The following PKD1 variants were observed in gnomAD, a reference collection of about 807,000 sequenced individuals.
PKD1 encodes polycystin 1, transient receptor potential channel interacting.
PKD1 carries 81 observed loss-of-function variants against 361.7 expected under a neutral mutation model. The observed-to-expected ratio is 0.22, with a 90% confidence interval of 0.19 to 0.27. The LOEUF (loss-of-function observed/expected upper bound fraction) is 0.27. Among genes scored for constraint, PKD1 ranks in the 10% least tolerant of loss-of-function variants. The pLI, the probability that PKD1 is intolerant of heterozygous loss-of-function variation, is 1.00. For synonymous variants in PKD1, 3,615 were observed against 2,818.3 expected (o/e 1.28, Z -8.95); for missense variants, 6,399 against 6,118.3 (o/e 1.05, Z -1.53).
chr16:2,096,448 G>C (rs777317952), intron 34 of PKD1, among the ~76,000 whole-genome samples: 1 of 152,256 alleles, frequency 6.6e-6, no homozygotes. Context: ...GACTATGTGC[G>C]TGACTACATA....
chr16:2,122,758 G>A (rs543053766), intron 1 of PKD1, among the ~76,000 whole-genome samples: 9 of 152,324 alleles, frequency 5.9e-5, no homozygotes, highest in East Asian at 3.9e-4. Context: ...ATGAGGCACC[G>A]GGACCCGAGG....
chr16:2,111,960 G>A, intron 14 of PKD1, 89 bp from the exon 15 acceptor site: 8 of 1,395,398 alleles, frequency 5.7e-6, no homozygotes, highest in Non-Finnish European at 8.0e-6. Flanking sequence ...AGGAGCCCGG[G>A]GTGAACGGCT....
chr16:2,108,719 C>G lies in PKD1; in HGVS notation c.6448G>C (p.Glu2150Gln). 1 of 1,570,604 alleles carries G rather than the reference C, an allele frequency of 6.4e-7. No individual in the cohort carries two copies. The highest frequency in any genetic ancestry group is 2.4e-5 in the East Asian group (1 of 42,360). ...TGCAGGGGCAGGACCACGTCCACCT[C>G]CGGCTCCCGGCAGGCCAGCACCTGG... The part of the protein sequence containing the change: ...TVQVLACREP[E>Q]VDVVLPLQVL... Residue 2150 changes from glutamate to glutamine, a missense_variant, in exon 15 of 46, where the codon GAG (glutamate) becomes CAG (glutamine). Coordinates refer to ENST00000262304, the MANE Select transcript of PKD1 (RefSeq NM_001009944.3).
At chr16:2,121,658 C>T (rs1190502129) in intron 1 of PKD1, among the ~76,000 whole-genome samples, 2 of 152,120 alleles carry the variant, frequency 1.3e-5, no homozygotes, top group Non-Finnish European at 2.9e-5. Context: ...ACTCCACCTC[C>T]CCTCGGCCTC....
In PKD1 at chr16:2,089,052, G is replaced by A. The variant is rs2091300343; in HGVS notation, c.*675C>T. On this transcript the variant is annotated 3_prime_UTR_variant, in exon 46 of 46. Transcript: ENST00000262304. ...CTCTTGCTACCTGGCCTGGGGCAAG[G>A]GAGGATGACAAGGCCTCTGGGGTGA... The A allele has an allele frequency of 1.6e-5, 3 of 193,416 alleles. No individual in the cohort carries two copies. Among genetic ancestry groups the A allele is most frequent in the South Asian group, 2.1e-4 (2 of 9,684 alleles). 12.0% of individuals were successfully genotyped at this position (193,416 alleles called of 1,614,324 possible). A position where few individuals can be genotyped will look rare whatever the true frequency, so the allele number is the denominator to read the frequency against.
Position 2,104,596 on chromosome 16 carries a change from A to T in PKD1, c.8063T>A (p.Leu2688Gln), listed in dbSNP as rs1429820785. Residue 2688 changes from leucine (L) to glutamine (Q), a missense_variant, in exon 22 of 46, where the codon CTG becomes CAG. Leu to Gln is a moderately radical substitution (Grantham distance 113, BLOSUM62 -2). Transcript: ENST00000262304. ...LVCRSCLKQT[L>Q]HKLEAMMLIL... ...GAGCATCATGGCCTCCAGCTTGTGC[A>T]GCGTCTGCTTCAGGCACGAGCGGCA... The T allele has an allele frequency of 6.3e-7, 1 of 1,596,008 alleles. No individual in the cohort carries two copies. Among genetic ancestry groups the T allele is most frequent in the Admixed American group, 1.7e-5 (1 of 59,240 alleles).
At chr16:2,102,715 G>T (rs1596523161) in intron 24 of PKD1, 82 bp from the exon 25 acceptor site, 2 of 1,606,110 alleles carry the variant, frequency 1.2e-6, no homozygotes, top group Non-Finnish European at 8.5e-7. Flanking sequence ...ACCCGGTCCA[G>T]TCCCCTCGCT....
chr16:2,089,339 T>G lies in PKD1; in HGVS notation c.*388A>C. 1 of 319,134 alleles carries G rather than the reference T, an allele frequency of 3.1e-6. No individual in the cohort carries two copies. Among genetic ancestry groups the G allele is most frequent in the Non-Finnish European group, 5.9e-6 (1 of 170,106 alleles). The allele number at this position is 319,134 out of a possible 1,614,324, so 19.8% of individuals were successfully genotyped here. On this transcript the variant is annotated 3_prime_UTR_variant, in exon 46 of 46. Coordinates refer to ENST00000262304, the MANE Select transcript of PKD1 (RefSeq NM_001009944.3). ...AGTACGGTAGGAACTGGAGAGGTAA[T>G]AACTTAGGGGCAGGGTGGCGGCGGT...
At chr16:2,126,527 C>G (rs575254180) in intron 1 of PKD1, among the ~76,000 whole-genome samples, 2 of 152,268 alleles carry the variant, frequency 1.3e-5, no homozygotes, top group Non-Finnish European at 2.9e-5. Context: ...CCATGAAGAG[C>G]GAGGTGTTCT....
chr16:2,102,650 T>C lies in PKD1; in HGVS notation c.8949-17A>G, dbSNP rs9928278. On this transcript the variant is annotated splice_polypyrimidine_tract_variant and intron_variant, in intron 24 of 45. Coordinates refer to ENST00000262304, the MANE Select transcript of PKD1 (RefSeq NM_001009944.3). ...TCTCTGCTCCTGGGCAGGGAAGGGG[T>C]AGCGGACGTGAGCCCAGGCTCCGCC... is the stretch of plus-strand genomic sequence containing the variant. The C allele has an allele frequency of 0.17, 277,639 of 1,610,012 alleles. 29,785 individuals carry two copies. The highest frequency in any genetic ancestry group is 0.51 in the African/African-American group (37,834 of 74,852).
At position 2,110,928 on chromosome 16, in the gene PKD1, G is replaced by C. The variant is rs1434096183; in HGVS notation, c.4239C>G (p.Thr1413=). 1 of 1,611,184 alleles carries C rather than the reference G, an allele frequency of 6.2e-7. No individual in the cohort carries two copies. Among genetic ancestry groups the C allele is most frequent in the Non-Finnish European group, 8.5e-7 (1 of 1,179,830 alleles). ...CAWPPFPYRY[T]WDFGTEEAAP... ...CGGCTTCCTCGGTGCCAAAGTCCCA[G>C]GTGTAGCGGTAGGGGAACGGGGGCC... is the stretch of plus-strand genomic sequence containing the variant. The change falls in exon 15 of 46, where the codon ACC becomes ACG. Residue 1413 remains threonine (T), a synonymous_variant. Transcript: ENST00000262304.
chr16:2,133,805 AC>A lies in PKD1; in HGVS notation c.215+1669del, dbSNP rs202026172. Among the ~76,000 whole-genome samples, 769 of 151,724 alleles carry A rather than the reference AC, an allele frequency of 5.1e-3. 3 individuals are homozygous for A. The highest frequency in any genetic ancestry group is 8.9e-3 in the Non-Finnish European group (605 of 67,938). On this transcript the variant is annotated intron_variant, in intron 1 of 45. Coordinates refer to ENST00000262304, the MANE Select transcript of PKD1 (RefSeq NM_001009944.3). The stretch of plus-strand genomic sequence containing the variant: ...CGGAATCTTGCCAGCTCAGGCTGGG[AC>A]AGGCCACCAACTCCCAGGGTCCCCC...
intron 20 of PKD1, 82 bp downstream of exon 20, chr16:2,105,783 G>A (rs2092316655): frequency 1.4e-6 from 2 of 1,467,340 alleles, no homozygotes; most frequent in African/African-American, 1.4e-5. Context: ...TGAGCCCTCT[G>A]CAAAGCTCCA....
rs1265428416 is a variant in PKD1 at position 2,107,867 on chromosome 16, G to T, written c.7065+16C>A. On this transcript the variant is annotated intron_variant, in intron 16 of 45. Transcript: ENST00000262304. ...GGCTGTCCAAGGCAAGTGGCCGAGG[G>T]GCGGGCGGCACCCACCGTCTGGTTG... is the stretch of plus-strand genomic sequence containing the variant. The T allele has an allele frequency of 3.2e-6, 5 of 1,542,430 alleles. No individual in the cohort carries two copies. Among genetic ancestry groups the T allele is most frequent in the Non-Finnish European group, 4.4e-6 (5 of 1,145,842 alleles).
In PKD1 at chr16:2,089,659, A is replaced by T. The variant is rs538237594; in HGVS notation, c.*68T>A. 6.5e-7 allele frequency: 1 copy of T among 1,530,144 alleles called. No homozygotes were observed. Among genetic ancestry groups the T allele is most frequent in the Non-Finnish European group, 8.8e-7 (1 of 1,132,042 alleles). The allele number at this position is 1,530,144 out of a possible 1,614,324, so 94.8% of individuals were successfully genotyped here. On this transcript the variant is annotated 3_prime_UTR_variant, in exon 46 of 46. Transcript: ENST00000262304. ...ATTCTGCCTGGCCCTCGGCCTTGAC[A>T]GCGGCAGAAAGTAATACTGAGCGGT...
rs146527465 is a variant in PKD1 at position 2,110,135 on chromosome 16, C to T, written c.5032G>A (p.Gly1678Ser). The T allele has an allele frequency of 2.5e-5, 40 of 1,609,256 alleles. 1 individual carries two copies. In the Admixed American group the frequency reaches 3.8e-4, roughly 15 times the overall value. ...GTGAGCGAGAAGCCTTTGCCGCTGC[C>T]GGCCAGGGCCGGGCCCCTGTCCCTC... ...AWRDRGPALA[G>S]SGKGFSLTVL... The change falls in exon 15 of 46, where the codon GGC becomes AGC. Residue 1678 changes from glycine (G) to serine (S), a missense_variant. Gly to Ser is a moderately conservative substitution (Grantham distance 56, BLOSUM62 0). Transcript: ENST00000262304.
intron 23 of PKD1, 70 bp downstream of exon 23, chr16:2,103,196 C>T: frequency 6.8e-7 from 1 of 1,473,778 alleles, no homozygotes; most frequent in East Asian, 2.4e-5. Context: ...CCCATGGAAG[C>T]CCTACGAGAA....
In PKD1 at chr16:2,114,434, C is replaced by G. The variant is rs577268844; in HGVS notation, c.2589G>C (p.Gly863=). 1.2e-6 allele frequency: 2 copies of G among 1,600,566 alleles called. No homozygotes were observed. The highest frequency in any genetic ancestry group is 1.7e-6 in the Non-Finnish European group (2 of 1,179,522). Residue 863 remains glycine, a synonymous_variant, in exon 11 of 46, where the codon GGG becomes GGC. Transcript: ENST00000262304. The part of the protein sequence containing the change: ...ANATATARWP[G]GSVSARFENV... ...TCTCAAAGCGGGCGCTGACACTGCCCCCAGGCCAGCGAGCCGTGGCCGTGG... is the reference window on the plus strand; with the variant it reads ...TCTCAAAGCGGGCGCTGACACTGCCGCCAGGCCAGCGAGCCGTGGCCGTGG...
At position 2,110,681 on chromosome 16, in the gene PKD1, C is replaced by T. The variant is rs557937095; in HGVS notation, c.4486G>A (p.Ala1496Thr). 128 of 1,610,288 alleles carry T rather than the reference C, an allele frequency of 7.9e-5. No homozygotes were observed. The highest frequency in any genetic ancestry group is 3.8e-4 in the Admixed American group (23 of 60,010). Reference protein sequence around the residue: ...LFSAVGRGRPASYLWDLGDGG... With the variant: ...LFSAVGRGRPTSYLWDLGDGG... ...TCCCCCAGATCCCACAGGTAGCTGG[C>T]GGGGCGCCCACGGCCCACAGCAGAG... The change falls in exon 15 of 46, where the codon GCC becomes ACC. Residue 1496 changes from alanine (A) to threonine (T), a missense_variant. Physicochemically the swap from Ala to Thr is moderately conservative, Grantham distance 58 (BLOSUM62 0). Transcript: ENST00000262304.
Sources: allele counts gnomAD v4.1 joint callset (sites outside exome capture counted in the v4.1 genomes callset), GRCh38; gene constraint gnomAD v4.1.1; transcripts MANE v1.5; gene names NCBI Gene and HGNC (gene_info 2026-07-23, HGNC 2026-07-21).